TRAPPC3L: variants seen among roughly 807,000 people sequenced by gnomAD.
TRAPPC3L encodes trafficking protein particle complex subunit 3L.
Under a neutral mutation model 23.7 loss-of-function variants are expected in TRAPPC3L, and 23 were observed. That is an observed-to-expected ratio of 0.97 (90% confidence interval 0.70 to 1.37). The LOEUF is 1.37. TRAPPC3L is among the 40% of genes most tolerant of loss of function. The pLI is 0.00. For missense variants in TRAPPC3L, 212 were observed against 216.8 expected (o/e 0.98, Z 0.14); for synonymous variants, 81 against 77.9 (o/e 1.04, Z -0.21).
At chr6:116,497,700 C>G (rs1048774792) in intron 4 of TRAPPC3L, among the ~76,000 whole-genome samples, 22 of 152,038 alleles carry the variant, frequency 1.4e-4, no homozygotes, top group African/African-American at 4.8e-4. Flanking sequence ...GGGCTTACTT[C>G]TTTATTCATT....
At chr6:116,512,250 A>T in intron 3 of TRAPPC3L, 1 of 1,579,650 alleles carries the variant, frequency 6.3e-7, no homozygotes, top group Non-Finnish European at 8.6e-7. Context: ...AGAAAAGACA[A>T]ACTCGCCTTT....
At chr6:116,524,540 G>A (rs1361240140) in intron 3 of TRAPPC3L, 2 of 152,162 alleles carry the variant, frequency 1.3e-5, no homozygotes, top group African/African-American at 4.8e-5. Context: ...TTACTTCATT[G>A]TCTTTTGTCA....
intron 3 of TRAPPC3L, among the ~76,000 whole-genome samples, chr6:116,539,815 G>T (rs1251443430): frequency 6.6e-6 from 1 of 152,184 alleles, no homozygotes; most frequent in Non-Finnish European, 1.5e-5. Context: ...TTAAAGGCTG[G>T]CTAAAGATGC....
intron 3 of TRAPPC3L, among the ~76,000 whole-genome samples, chr6:116,527,240 C>T (rs545159069): frequency 2.0e-5 from 3 of 152,114 alleles, no homozygotes; most frequent in South Asian, 4.2e-4. Context: ...ATTCCCGGCC[C>T]GGCGCGGTGG....
At chr6:116,517,601 T>C (rs1772253402) in intron 3 of TRAPPC3L, 1 of 152,204 alleles carries the variant, frequency 6.6e-6, no homozygotes, top group East Asian at 1.9e-4. Context: ...AACATATCTA[T>C]GTTATTGTCA....
At chr6:116,536,845 C>A (rs930030708) in intron 3 of TRAPPC3L, among the ~76,000 whole-genome samples, 1 of 152,172 alleles carries the variant, frequency 6.6e-6, no homozygotes, top group African/African-American at 2.4e-5. Flanking sequence ...TGGCCTAGTT[C>A]TCTGTAAAAC....
chr6:116,519,433 G>A (rs1772290076), intron 3 of TRAPPC3L: 1 of 152,220 alleles, frequency 6.6e-6, no homozygotes. Flanking sequence ...CTCCAGGTGA[G>A]GAGTCTCCAG....
chr6:116,544,047 G>A (rs1244957960), intron 1 of TRAPPC3L, among the ~76,000 whole-genome samples: 2 of 151,552 alleles, frequency 1.3e-5, no homozygotes, highest in East Asian at 3.9e-4. Flanking sequence ...AAGAAATGCT[G>A]GTAAATTATC....
Position 116,496,806 on chromosome 6 carries a change from A to G in TRAPPC3L, c.*148T>C. 8.7e-7 allele frequency: 1 copy of G among 1,147,958 alleles called. No homozygotes were observed. The highest frequency in any genetic ancestry group is 1.6e-5 in the African/African-American group (1 of 60,850). 71.1% of individuals were successfully genotyped at this position (1,147,958 alleles called of 1,614,324 possible). On this transcript the variant is annotated 3_prime_UTR_variant, in exon 5 of 5. Transcript: ENST00000368602. ...AAGCAAAAGGAAAAAAAAACCTTTAAGCCTTCATGCCCTGCATTTCAAATT... is the reference window on the plus strand; with the variant it reads ...AAGCAAAAGGAAAAAAAAACCTTTAGGCCTTCATGCCCTGCATTTCAAATT...
chr6:116,500,925 G>A (rs1275213747), intron 3 of TRAPPC3L, among the ~76,000 whole-genome samples: 1 of 152,198 alleles, frequency 6.6e-6, no homozygotes, highest in East Asian at 1.9e-4. Flanking sequence ...TGAGATCAAT[G>A]GAGAAGATGG....
chr6:116,497,202 A>G, intron 4 of TRAPPC3L, 129 bp from the exon 5 acceptor site: 1 of 1,201,642 alleles, frequency 8.3e-7, no homozygotes. Flanking sequence ...GTTCGTGGAT[A>G]AAGGGCCCTT....
At chr6:116,539,105 T>C (rs947687669) in intron 3 of TRAPPC3L, among the ~76,000 whole-genome samples, 2 of 152,186 alleles carry the variant, frequency 1.3e-5, no homozygotes, top group Non-Finnish European at 2.9e-5. Flanking sequence ...GGCTACCAAC[T>C]AGAAATGCAA....
At chr6:116,531,180 A>C (rs1772697010) in intron 3 of TRAPPC3L, among the ~76,000 whole-genome samples, 1 of 151,962 alleles carries the variant, frequency 6.6e-6, no homozygotes, top group South Asian at 2.1e-4. Flanking sequence ...ACCTAGCATG[A>C]AACTCTACTT....
At chr6:116,541,806 A>C (rs567967874) in intron 2 of TRAPPC3L, among the ~76,000 whole-genome samples, 11 of 152,178 alleles carry the variant, frequency 7.2e-5, no homozygotes, top group African/African-American at 2.6e-4. Context: ...CCAAAACGTT[A>C]TGAGCTGTGC....
At chr6:116,502,880 A>G (rs190163873) in intron 3 of TRAPPC3L, among the ~76,000 whole-genome samples, 248 of 152,362 alleles carry the variant, frequency 1.6e-3, no homozygotes, top group Middle Eastern at 3.4e-3. Context: ...AGGAAGCACT[A>G]AACATGGAAA....
intron 3 of TRAPPC3L, among the ~76,000 whole-genome samples, chr6:116,504,555 C>T (rs1431289739): frequency 6.6e-6 from 1 of 152,156 alleles, no homozygotes; most frequent in East Asian, 1.9e-4. Flanking sequence ...ATCCTGATAC[C>T]AAAGCCTGGC....
At chr6:116,527,527 A>C (rs1035352708) in intron 3 of TRAPPC3L, among the ~76,000 whole-genome samples, 1 of 151,964 alleles carries the variant, frequency 6.6e-6, no homozygotes, top group African/African-American at 2.4e-5. Flanking sequence ...AACAAAAAAA[A>C]AAAAAAAAAA....
chr6:116,529,685 C>G (rs1055892970), intron 3 of TRAPPC3L, among the ~76,000 whole-genome samples: 1 of 152,194 alleles, frequency 6.6e-6, no homozygotes, highest in African/African-American at 2.4e-5. Flanking sequence ...GTGCCTTCCA[C>G]CCTCATGAGG....
intron 3 of TRAPPC3L, chr6:116,511,698 T>C (rs1266413700): frequency 8.1e-6 from 13 of 1,612,772 alleles, no homozygotes; most frequent in Admixed American, 1.7e-5. Flanking sequence ...ATCTCCAACA[T>C]GGATGCTTTT....
Sources: allele counts gnomAD v4.1 joint callset (sites outside exome capture counted in the v4.1 genomes callset), GRCh38; gene constraint gnomAD v4.1.1; transcripts MANE v1.5; gene names NCBI Gene and HGNC (gene_info 2026-07-23, HGNC 2026-07-21).